The following LRRC40 variants were observed in gnomAD, a reference collection of about 807,000 sequenced individuals.
The protein encoded by LRRC40 is leucine rich repeat containing 40.
In LRRC40, 76 loss-of-function variants were observed where a neutral mutation model predicts 72.8. The observed-to-expected ratio is 1.04, with a 90% CI of 0.87 to 1.26. The LOEUF (loss-of-function observed/expected upper bound fraction) is 1.26. Among genes scored for constraint, LRRC40 ranks in the 50% most tolerant of loss-of-function variants. The pLI, the probability that LRRC40 is intolerant of heterozygous loss-of-function variation, is 0.00. For synonymous variants in LRRC40, 243 were observed against 254.2 expected, an observed-to-expected ratio of 0.96 and a Z score of 0.42; for missense variants, 684 against 698.9, an observed-to-expected ratio of 0.98 and a Z score of 0.24.
intron 1 of LRRC40, among the ~76,000 whole-genome samples, chr1:70,198,482 T>C (rs1668663490): frequency 6.6e-6 from 1 of 152,168 alleles, no homozygotes. Flanking sequence ...CACCTCCAAC[T>C]CCATCTTCAT....
chr1:70,151,020 T>A, intron 13 of LRRC40, 108 bp downstream of exon 13: 1 of 578,210 alleles, frequency 1.7e-6, no homozygotes, highest in Non-Finnish European at 3.1e-6. Context: ...ATCTGGATAT[T>A]GAAATAAAGT....
At chr1:70,187,205 G>T in intron 3 of LRRC40, 60 bp downstream of exon 3, 1 of 774,980 alleles carries the variant, frequency 1.3e-6, no homozygotes. Context: ...AAAATTTAAA[G>T]AATATTAGAT....
At chr1:70,166,914 G>T (rs577353835) in intron 9 of LRRC40, among the ~76,000 whole-genome samples, 93 of 147,880 alleles carry the variant, frequency 6.3e-4, no homozygotes, top group Non-Finnish European at 1.0e-3. Context: ...GAGAAAAAAG[G>T]AAAAAAAAGA....
intron 1 of LRRC40, among the ~76,000 whole-genome samples, chr1:70,197,026 TGGC>T (rs1668627377): frequency 3.9e-5 from 6 of 152,208 alleles, no homozygotes; most frequent in African/African-American, 1.4e-4. Context: ...TTAAGCAGCA[TGGC>T]TCAACAGAAC....
intron 9 of LRRC40, 91 bp from the exon 10 acceptor site, chr1:70,159,529 T>A (rs1435143654): frequency 5.8e-6 from 3 of 518,128 alleles, no homozygotes; most frequent in South Asian, 8.2e-5. Context: ...TGTACGTGAT[T>A]TCTAGATATT....
chr1:70,177,439 A>G (rs1018580884), intron 6 of LRRC40, among the ~76,000 whole-genome samples: 32 of 152,260 alleles, frequency 2.1e-4, no homozygotes, highest in African/African-American at 7.5e-4. Context: ...ACCTGTATGA[A>G]GCTAATCATT....
At chr1:70,203,961 C>T (rs1668816187) in intron 1 of LRRC40, among the ~76,000 whole-genome samples, 1 of 152,116 alleles carries the variant, frequency 6.6e-6, no homozygotes, top group African/African-American at 2.4e-5. Flanking sequence ...ATATCTTTCC[C>T]TCCTATGAAA....
chr1:70,199,252 C>CACACACACAG (rs1668682721), intron 1 of LRRC40, among the ~76,000 whole-genome samples: 1 of 149,692 alleles, frequency 6.7e-6, no homozygotes, highest in African/African-American at 2.4e-5. Flanking sequence ...CACACACACA[C>CACACACACAG]AGTATTAGAA....
At chr1:70,198,210 T>C (rs1668658713) in intron 1 of LRRC40, among the ~76,000 whole-genome samples, 1 of 152,218 alleles carries the variant, frequency 6.6e-6, no homozygotes, top group Non-Finnish European at 1.5e-5. Context: ...CAAACTGCTC[T>C]CTTCAAGATA....
chr1:70,169,142 G>A (rs924959825), intron 9 of LRRC40, among the ~76,000 whole-genome samples: 3 of 151,996 alleles, frequency 2.0e-5, no homozygotes, highest in African/African-American at 7.2e-5. Flanking sequence ...CAACTTGCTG[G>A]CACAACATCC....
chr1:70,148,357 A>T, intron 14 of LRRC40, 130 bp downstream of exon 14: 1 of 755,534 alleles, frequency 1.3e-6, no homozygotes, highest in Non-Finnish European at 2.1e-6. Context: ...GGGTTTTGTT[A>T]CTTGTTATTT....
At chr1:70,194,225 C>T (rs181976275) in intron 1 of LRRC40, among the ~76,000 whole-genome samples, 191 of 152,070 alleles carry the variant, frequency 1.3e-3, no homozygotes, top group African/African-American at 4.4e-3. Flanking sequence ...AAATTATATG[C>T]AATCAATGAG....
intron 1 of LRRC40, among the ~76,000 whole-genome samples, chr1:70,197,735 G>A (rs1668646905): frequency 6.6e-6 from 1 of 151,926 alleles, no homozygotes; most frequent in Admixed American, 6.6e-5. Flanking sequence ...GGTGGATAAA[G>A]AGACAGAGAA....
intron 11 of LRRC40, 65 bp downstream of exon 11, chr1:70,155,623 TA>T: frequency 1.3e-6 from 1 of 742,588 alleles, no homozygotes. Flanking sequence ...AAAACCAATT[TA>T]AAAACCAAGA....
intron 9 of LRRC40, among the ~76,000 whole-genome samples, chr1:70,160,913 A>C (rs1445328892): frequency 2.6e-5 from 4 of 152,144 alleles, no homozygotes; most frequent in Admixed American, 2.0e-4. Context: ...ACAATAAATA[A>C]AAGTAGAACC....
At position 70,151,217 on chromosome 1, in the gene LRRC40, A is replaced by G; in HGVS notation, c.1440-12T>C. 7.5e-7 allele frequency: 1 copy of G among 1,331,450 alleles called. No individual in the cohort carries two copies. The highest frequency in any genetic ancestry group is 1.1e-6 in the Non-Finnish European group (1 of 928,304). 82.5% of individuals were successfully genotyped at this position (1,331,450 alleles called of 1,614,324 possible). On this transcript the variant is annotated splice_polypyrimidine_tract_variant and intron_variant, in intron 12 of 14. Coordinates refer to ENST00000370952, the MANE Select transcript of LRRC40 (RefSeq NM_017768.5). ...TTAAAAAATTGTTCCTAAATTGGAA[A>G]TCAAAACAGAAGATTTACAAAGTTT...
At chr1:70,177,580 T>A (rs186108019) in intron 6 of LRRC40, among the ~76,000 whole-genome samples, 1 of 152,296 alleles carries the variant, frequency 6.6e-6, no homozygotes, top group Non-Finnish European at 1.5e-5. Flanking sequence ...GGGACTAATA[T>A]GAAGTGCCAC....
chr1:70,190,791 T>G (rs1406306748), intron 1 of LRRC40, among the ~76,000 whole-genome samples: 1 of 151,884 alleles, frequency 6.6e-6, no homozygotes, highest in Non-Finnish European at 1.5e-5. Flanking sequence ...TGATTATGTA[T>G]TCTCTGCTTC....
intron 11 of LRRC40, among the ~76,000 whole-genome samples, chr1:70,153,154 A>C (rs1667548213): frequency 1.3e-5 from 2 of 152,172 alleles, no homozygotes; most frequent in Admixed American, 1.3e-4. Flanking sequence ...TGAGGTCAGG[A>C]GTTCAAGACC....
Sources: gnomAD v4.1 joint callset for allele counts (sites outside exome capture counted in the v4.1 genomes callset) on GRCh38, gnomAD v4.1.1 for gene constraint, MANE v1.5 for transcripts, NCBI Gene and HGNC (gene_info 2026-07-23, HGNC 2026-07-21) for gene names.